The following CNNM1 variants were observed in gnomAD, a reference collection of about 807,000 sequenced individuals.
CNNM1 encodes cyclin and CBS domain divalent metal cation transport mediator 1.
Under a neutral mutation model 78.8 loss-of-function variants are expected in CNNM1, and 44 were observed. The ratio of observed to expected loss-of-function variants is 0.56; its 90% confidence interval spans 0.44 to 0.72. The LOEUF is 0.72. Among genes scored for constraint, CNNM1 ranks in the 30% least tolerant of loss-of-function variants. CNNM1 has a pLI of 0.00. For synonymous variants in CNNM1, 584 were observed against 581.5 expected, an observed-to-expected ratio of 1.00 and a Z score of -0.06; for missense variants, 1,101 against 1,292.2, an observed-to-expected ratio of 0.85 and a Z score of 2.27.
At chr10:99,335,878 G>A (rs532699261) in intron 1 of CNNM1, among the ~76,000 whole-genome samples, 2 of 152,332 alleles carry the variant, frequency 1.3e-5, no homozygotes, top group African/African-American at 4.8e-5. Context: ...CTCAGTGCCT[G>A]TCCACAGACA....
At chr10:99,368,714 A>G (rs2134059371) in intron 6 of CNNM1, 1 of 1,281,698 alleles carries the variant, frequency 7.8e-7, no homozygotes, top group Non-Finnish European at 1.0e-6. Flanking sequence ...GTCTCTGTAG[A>G]TCCAGAGGGG....
At position 99,330,692 on chromosome 10, in the gene CNNM1, C is replaced by G. The variant is rs754407367; in HGVS notation, c.1305C>G (p.Pro435=). ...RTKVVEEVLT[P]LGDCFMLRSD... ...AAGTTGTGGAGGAGGTGCTGACCCC[C>G]CTGGGAGACTGCTTCATGCTGCGCT... is the stretch of plus-strand genomic sequence containing the variant. Residue 435 remains proline (P), a synonymous_variant, in exon 1 of 11, where the codon CCC becomes CCG. Transcript: ENST00000356713. 8 of 1,613,886 alleles carry G rather than the reference C, an allele frequency of 5.0e-6. No individual in the cohort carries two copies. In the Admixed American group the frequency reaches 8.3e-5, roughly 17 times the overall value.
At chr10:99,385,181 TTCC>T (rs1234256169) in intron 7 of CNNM1, among the ~76,000 whole-genome samples, 3 of 152,112 alleles carry the variant, frequency 2.0e-5, no homozygotes, top group African/African-American at 4.8e-5. Flanking sequence ...CCCAAGAGAC[TTCC>T]AGCCTGGGGG....
intron 1 of CNNM1, among the ~76,000 whole-genome samples, chr10:99,335,338 A>G (rs1407858140): frequency 6.6e-6 from 1 of 152,202 alleles, no homozygotes. Context: ...TTCACACTAG[A>G]GTGTGAGGTT....
rs2031576621 is a variant in CNNM1 at position 99,365,263 on chromosome 10, A to G, written c.2176+261A>G. ...GGATGCAGGGGTTGTGAGGGAAGGC[A>G]CTGCTTATTGCCACCTTCCAGTGAA... On this transcript the variant is annotated intron_variant, in intron 6 of 10. Transcript: ENST00000356713. 5.1e-6 allele frequency: 3 copies of G among 588,852 alleles called. No homozygotes were observed. In the Admixed American group the frequency reaches 8.5e-5, roughly 17 times the overall value. The allele number at this position is 588,852 out of a possible 1,614,324, so 36.5% of individuals were successfully genotyped here.
At chr10:99,353,308 G>T (rs904379908) in intron 1 of CNNM1, among the ~76,000 whole-genome samples, 4 of 152,128 alleles carry the variant, frequency 2.6e-5, no homozygotes, top group Non-Finnish European at 5.9e-5. Context: ...TTACCCTCAC[G>T]GGTGGGGGTG....
Position 99,330,732 on chromosome 10 carries a change from G to A in CNNM1, c.1345G>A (p.Asp449Asn). The A allele has an allele frequency of 1.9e-6, 3 of 1,613,998 alleles. No homozygotes were observed. Among genetic ancestry groups the A allele is most frequent in the Non-Finnish European group, 2.5e-6 (3 of 1,179,894 alleles). The change falls in exon 1 of 11, where the codon GAC becomes AAC. Residue 449 changes from aspartate to asparagine, a missense_variant. Around this residue, in one of 3 missense-constraint regions of CNNM1, gnomAD observed 277 missense variants for 423.2 expected, o/e 0.65. Coordinates refer to ENST00000356713, the MANE Select transcript of CNNM1 (RefSeq NM_020348.3). ...CATGCTGCGCTCAGACGCGGTGCTC[G>A]ACTTCGCCACTGTCTCCGAGATCCT... ...CFMLRSDAVL[D>N]FATVSEILRS...
intron 1 of CNNM1, among the ~76,000 whole-genome samples, chr10:99,351,800 C>T (rs2030960456): frequency 6.6e-6 from 1 of 152,162 alleles, no homozygotes; most frequent in South Asian, 2.1e-4. Context: ...GAAGTTATTA[C>T]CCAAGTCCAA....
chr10:99,332,656 A>T (rs1455431342), intron 1 of CNNM1, among the ~76,000 whole-genome samples: 1 of 152,210 alleles, frequency 6.6e-6, no homozygotes. Flanking sequence ...TCCTGCCACA[A>T]TTTTTGAAAT....
At chr10:99,380,089 C>T (rs2032094457) in intron 7 of CNNM1, among the ~76,000 whole-genome samples, 1 of 148,230 alleles carries the variant, frequency 6.7e-6, no homozygotes, top group Admixed American at 6.8e-5. Flanking sequence ...AACTCCTGGC[C>T]TCAAGTGATC....
At chr10:99,367,901 G>A (rs984845029) in intron 6 of CNNM1, among the ~76,000 whole-genome samples, 1 of 152,100 alleles carries the variant, frequency 6.6e-6, no homozygotes, top group African/African-American at 2.4e-5. Context: ...AACTCTACCC[G>A]GGCCCCCCAG....
At chr10:99,361,114 C>A in intron 3 of CNNM1, 139 bp downstream of exon 3, 1 of 948,978 alleles carries the variant, frequency 1.1e-6, no homozygotes, top group Non-Finnish European at 1.5e-6. Flanking sequence ...AAGGAGGTTG[C>A]CTTAGACAGG....
chr10:99,387,332 C>T (rs2032335611), intron 7 of CNNM1, among the ~76,000 whole-genome samples: 1 of 152,178 alleles, frequency 6.6e-6, no homozygotes, highest in Non-Finnish European at 1.5e-5. Flanking sequence ...ACCCTACATC[C>T]AGGGATGGGC....
At chr10:99,345,090 A>G (rs577375461) in intron 1 of CNNM1, among the ~76,000 whole-genome samples, 3 of 152,340 alleles carry the variant, frequency 2.0e-5, no homozygotes, top group Admixed American at 6.5e-5. Flanking sequence ...GCTCCATCAC[A>G]TACTAATATT....
intron 1 of CNNM1, among the ~76,000 whole-genome samples, chr10:99,348,020 A>ATG (rs750274417): frequency 0.019 from 2,732 of 141,788 alleles, 50 homozygotes; most frequent in East Asian, 0.043. Context: ...TATATATATG[A>ATG]TGTGTGTGTG....
At position 99,356,834 on chromosome 10, in the gene CNNM1, G is replaced by A. The variant is rs73328327; in HGVS notation, c.1574-678G>A. On this transcript the variant is annotated intron_variant, in intron 1 of 10. Coordinates refer to ENST00000356713, the MANE Select transcript of CNNM1 (RefSeq NM_020348.3). Reference sequence around the variant, plus strand: ...CTACATGTGGCCTCTCCACTATGGTGGCCTCAGGGTAGTAGTCAGACTTCT... The same window carrying A: ...CTACATGTGGCCTCTCCACTATGGTAGCCTCAGGGTAGTAGTCAGACTTCT... Among the ~76,000 whole-genome samples the A allele has an allele frequency of 3.1e-3, 471 of 152,282 alleles. 5 individuals carry two copies. The highest frequency in any genetic ancestry group is 0.011 in the African/African-American group (438 of 41,562).
chr10:99,376,957 C>T (rs1296529327), intron 6 of CNNM1, 98 bp from the exon 7 acceptor site: 3 of 1,210,238 alleles, frequency 2.5e-6, no homozygotes, highest in Non-Finnish European at 3.5e-6. Context: ...CCTCAGTAAA[C>T]AACACCTGTC....
At chr10:99,381,409 C>CA (rs55670936) in intron 7 of CNNM1, among the ~76,000 whole-genome samples, 59 of 114,620 alleles carry the variant, frequency 5.1e-4, no homozygotes, top group East Asian at 1.0e-3. Flanking sequence ...ACTCTGTCTT[C>CA]AAAAAAAAAA....
At chr10:99,379,232 G>A (rs1046661473) in intron 7 of CNNM1, among the ~76,000 whole-genome samples, 1 of 152,252 alleles carries the variant, frequency 6.6e-6, no homozygotes, top group African/African-American at 2.4e-5. Flanking sequence ...AGATACTGTG[G>A]TGAAGACAGC....
Sources: gnomAD v4.1 joint callset for allele counts (sites outside exome capture counted in the v4.1 genomes callset) on GRCh38, gnomAD v4.1.1 for gene constraint, gnomAD v4.1.1 regional missense constraint, MANE v1.5 for transcripts, NCBI Gene and HGNC (gene_info 2026-07-23, HGNC 2026-07-21) for gene names.